Variants in ZFHX3 observed in about 807,000 individuals in gnomAD.
ZFHX3 encodes the protein zinc finger homeobox protein 3.
Under a neutral mutation model 279.1 loss-of-function variants are expected in ZFHX3, and 42 were observed. That is an observed-to-expected ratio of 0.15 (90% CI 0.12 to 0.19). The LOEUF is 0.19. Among genes scored for constraint, ZFHX3 ranks in the 10% least tolerant of loss-of-function variants. ZFHX3 has a pLI of 1.00. For synonymous variants in ZFHX3, 2,293 were observed against 1,957.8 expected (o/e 1.17, Z -4.52); for missense variants, 4,981 against 4,754.0 (o/e 1.05, Z -1.40).
chr16:73,052,795 G>A (rs2144729278), upstream of ZFHX3, among the ~76,000 whole-genome samples: 1 of 152,354 alleles, frequency 6.6e-6, no homozygotes, highest in South Asian at 2.1e-4. Flanking sequence ...GTGTGGGGAA[G>A]TCTGCATTGA....
At chr16:73,265,038 C>G (rs566338810) in intron 4 of ZFHX3, among the ~76,000 whole-genome samples, 2 of 119,844 alleles carry the variant, frequency 1.7e-5, no homozygotes, top group Non-Finnish European at 3.6e-5. Flanking sequence ...ATATATAACA[C>G]CTCAGCGCAT....
At chr16:73,097,231 A>ATTTTTTTTTTTT (rs376018253) in intron 7 of ZFHX3, among the ~76,000 whole-genome samples, 2 of 126,722 alleles carry the variant, frequency 1.6e-5, no homozygotes, top group African/African-American at 6.3e-5. Context: ...GCTAATTTTA[A>ATTTTTTTTTTTT]TTTTTTTTTT....
At chr16:73,870,350 T>C (rs1417102964) in intron 1 of ZFHX3, among the ~76,000 whole-genome samples, 1 of 152,094 alleles carries the variant, frequency 6.6e-6, no homozygotes, top group African/African-American at 2.4e-5. Flanking sequence ...CAGCCAATCC[T>C]GGGAATCACG....
intron 1 of ZFHX3, among the ~76,000 whole-genome samples, chr16:73,849,601 G>C (rs751302943): frequency 6.6e-6 from 1 of 152,122 alleles, no homozygotes. Flanking sequence ...TGTTGATCAC[G>C]GTTATTCAAC....
chr16:72,815,071 C>T (rs1442574221), intron 5 of ZFHX3, among the ~76,000 whole-genome samples: 3 of 152,136 alleles, frequency 2.0e-5, no homozygotes, highest in South Asian at 2.1e-4. Flanking sequence ...ATCAAGACAT[C>T]GTACCAAAGT....
At chr16:73,576,118 T>G (rs558199795) in intron 2 of ZFHX3, among the ~76,000 whole-genome samples, 1 of 152,268 alleles carries the variant, frequency 6.6e-6, no homozygotes, top group South Asian at 2.1e-4. Flanking sequence ...TGGCACCCAC[T>G]GGGAAGAAAA....
chr16:73,023,870 G>GAGCT (rs552226209), intron 1 of ZFHX3, among the ~76,000 whole-genome samples: 2 of 152,126 alleles, frequency 1.3e-5, no homozygotes, highest in Non-Finnish European at 2.9e-5. Context: ...AAATGCAAGG[G>GAGCT]AGCTCCGAGG....
intron 3 of ZFHX3, among the ~76,000 whole-genome samples, chr16:73,429,039 C>T (rs550628314): frequency 1.1e-3 from 170 of 152,270 alleles, no homozygotes; most frequent in South Asian, 2.3e-3. Context: ...ACCCTGTGGA[C>T]CCCTCCATGT....
At chr16:73,724,318 C>G (rs1286180461) in intron 1 of ZFHX3, among the ~76,000 whole-genome samples, 1 of 152,230 alleles carries the variant, frequency 6.6e-6, no homozygotes, top group Non-Finnish European at 1.5e-5. Flanking sequence ...CTTATTTCTA[C>G]TGATACACAT....
chr16:73,151,272 A>G (rs184691153), intron 5 of ZFHX3, among the ~76,000 whole-genome samples: 10 of 152,284 alleles, frequency 6.6e-5, no homozygotes, highest in Admixed American at 5.2e-4. Context: ...AATAAAACGT[A>G]CAACACAAAA....
intron 3 of ZFHX3, among the ~76,000 whole-genome samples, chr16:73,366,728 G>A (rs879309512): frequency 4.8e-4 from 73 of 152,216 alleles, no homozygotes; most frequent in African/African-American, 1.7e-3. Flanking sequence ...ATGTGTGTGT[G>A]TGTGCGTGCA....
At chr16:73,024,836 G>A (rs1225384979) in intron 1 of ZFHX3, among the ~76,000 whole-genome samples, 1 of 152,178 alleles carries the variant, frequency 6.6e-6, no homozygotes, top group Non-Finnish European at 1.5e-5. Context: ...AGGACCAGAG[G>A]GTCTGGCTGT....
At chr16:73,272,793 C>G in intron 4 of ZFHX3, among the ~76,000 whole-genome samples, 1 of 152,164 alleles carries the variant, frequency 6.6e-6, no homozygotes. Context: ...GTCGCCCAGG[C>G]TGGAGCACAG....
chr16:73,754,567 T>C (rs904993183), intron 1 of ZFHX3, among the ~76,000 whole-genome samples: 1 of 152,108 alleles, frequency 6.6e-6, no homozygotes, highest in Non-Finnish European at 1.5e-5. Context: ...AGAATATTGT[T>C]TGTAGTAAGA....
At chr16:73,436,343 A>T (rs760596581) in intron 3 of ZFHX3, among the ~76,000 whole-genome samples, 6 of 152,074 alleles carry the variant, frequency 3.9e-5, no homozygotes, top group Non-Finnish European at 8.8e-5. Flanking sequence ...GGTTTAAGGG[A>T]CTCAGAGTTC....
rs549036320 is a variant in ZFHX3 at position 73,195,625 on chromosome 16, G to A, written c.-1103-51794C>T. Among the ~76,000 whole-genome samples, 4 of 152,152 alleles carry A rather than the reference G, an allele frequency of 2.6e-5. No individual in the cohort carries two copies. The East Asian group carries it at 5.8e-4, about 22-fold the overall frequency. On this transcript the variant is annotated intron_variant, in intron 5 of 17. Transcript: ENST00000641206. ...GTAGAGACGGGGTTTCACCATATTG[G>A]CCAGGCTGGTCCTGAATTCCTGACC...
chr16:73,395,604 C>T (rs2017111416), intron 3 of ZFHX3, among the ~76,000 whole-genome samples: 2 of 152,026 alleles, frequency 1.3e-5, no homozygotes, highest in Admixed American at 6.6e-5. Flanking sequence ...GTAGCTGGCA[C>T]ATAGTAGGCT....
At chr16:73,322,261 G>C (rs549222049) in intron 3 of ZFHX3, among the ~76,000 whole-genome samples, 1 of 146,154 alleles carries the variant, frequency 6.8e-6, no homozygotes, top group Non-Finnish European at 1.5e-5. Flanking sequence ...AAGAGAGAAC[G>C]CATTTGAATC....
intron 4 of ZFHX3, among the ~76,000 whole-genome samples, chr16:73,286,508 C>T (rs996181729): frequency 3.9e-5 from 6 of 152,114 alleles, no homozygotes; most frequent in Non-Finnish European, 8.8e-5. Context: ...AGACCCCGGT[C>T]TCCTTGGTAA....
Sources: allele counts gnomAD v4.1 joint callset (sites outside exome capture counted in the v4.1 genomes callset), GRCh38; gene constraint gnomAD v4.1.1; transcripts MANE v1.5; gene names NCBI Gene and HGNC (gene_info 2026-07-23, HGNC 2026-07-21).